The following TMEM161B variants were observed in gnomAD, a reference collection of about 807,000 sequenced individuals.
TMEM161B encodes the protein transmembrane protein 161B.
TMEM161B carries 34 observed loss-of-function variants against 61.8 expected under a neutral mutation model. The observed-to-expected ratio is 0.55, with a 90% CI of 0.42 to 0.73. The LOEUF (loss-of-function observed/expected upper bound fraction) is 0.73. Ranked by LOEUF, TMEM161B falls within the 30% of genes least tolerant of loss-of-function variation. The pLI is 0.00. For synonymous variants in TMEM161B, 167 were observed against 192.8 expected, an observed-to-expected ratio of 0.87 and a Z score of 1.11; for missense variants, 456 against 558.5, an observed-to-expected ratio of 0.82 and a Z score of 1.85.
intron 4 of TMEM161B, among the ~76,000 whole-genome samples, chr5:88,225,351 G>C (rs1415128726): frequency 6.6e-6 from 1 of 152,062 alleles, no homozygotes; most frequent in African/African-American, 2.4e-5. Flanking sequence ...GGGGTAAAAA[G>C]TCATACGTCA....
At chr5:88,202,107 C>A (rs1251472657) in intron 9 of TMEM161B, 1 of 453,474 alleles carries the variant, frequency 2.2e-6, no homozygotes, top group Admixed American at 2.4e-5. Context: ...GAGTTAGATA[C>A]TATTATCTTC....
At position 88,220,959 on chromosome 5, in the gene TMEM161B, CAA is replaced by C. The variant is rs1748861591; in HGVS notation, c.290-242_290-241del. On this transcript the variant is annotated intron_variant, in intron 4 of 11. Coordinates refer to ENST00000296595, the MANE Select transcript of TMEM161B (RefSeq NM_153354.5). Reference sequence around the variant, plus strand: ...ATTAAAATAAACGTTAAAAGATTACCAAAAGTTATTTAAGTTGTTGGTAAAGT... The same window carrying C: ...ATTAAAATAAACGTTAAAAGATTACCAAGTTATTTAAGTTGTTGGTAAAGT... Among the ~76,000 whole-genome samples the C allele has an allele frequency of 2.0e-5, 3 of 151,932 alleles. 1 individual carries two copies. The highest frequency in any genetic ancestry group is 7.3e-5 in the African/African-American group (3 of 41,360).
At chr5:88,226,960 A>T (rs1213997881) in intron 3 of TMEM161B, among the ~76,000 whole-genome samples, 2 of 152,044 alleles carry the variant, frequency 1.3e-5, no homozygotes, top group African/African-American at 4.8e-5. Flanking sequence ...TGTCTCTACA[A>T]ATTTTTTTTT....
intron 2 of TMEM161B, among the ~76,000 whole-genome samples, chr5:88,233,214 A>C (rs553074045): frequency 2.0e-5 from 3 of 152,330 alleles, no homozygotes; most frequent in African/African-American, 7.2e-5. Context: ...GGTAAAATTT[A>C]ACCAATTAAA....
rs1488316549 is a variant in TMEM161B, at chr5:88,225,885, T to A, written c.192-19A>T. ...ATATTTCCTATAAAAATCAGACAAG[T>A]GACACAAAAAACAAGTTACCTACAC... is the stretch of plus-strand genomic sequence containing the variant. On this transcript the variant is annotated intron_variant, in intron 3 of 11. Transcript: ENST00000296595. 1 of 1,541,412 alleles carries A rather than the reference T, an allele frequency of 6.5e-7. No individual in the cohort carries two copies. The highest frequency in any genetic ancestry group is 1.8e-5 in the Admixed American group (1 of 54,746).
intron 1 of TMEM161B, among the ~76,000 whole-genome samples, chr5:88,261,357 G>T (rs897921997): frequency 3.3e-5 from 5 of 151,622 alleles, no homozygotes; most frequent in Non-Finnish European, 7.4e-5. Flanking sequence ...CAGATTCAAT[G>T]CAATTACAAT....
intron 8 of TMEM161B, among the ~76,000 whole-genome samples, chr5:88,204,625 G>T (rs1745089148): frequency 6.6e-6 from 1 of 152,004 alleles, no homozygotes; most frequent in African/African-American, 2.4e-5. Context: ...CATAACACTG[G>T]GGTTAGTGGA....
intron 5 of TMEM161B, among the ~76,000 whole-genome samples, chr5:88,212,269 G>A (rs1333157429): frequency 1.3e-5 from 2 of 152,084 alleles, no homozygotes; most frequent in Non-Finnish European, 2.9e-5. Context: ...TCTAAAAATA[G>A]TTACCTACCC....
chr5:88,191,981 TGTATA>T (rs1748949163), downstream of TMEM161B, among the ~76,000 whole-genome samples: 1 of 8,166 alleles, frequency 1.2e-4, no homozygotes, highest in Admixed American at 2.9e-3. Context: ...AAAAAAAAAG[TGTATA>T]TATATATATA....
downstream of TMEM161B, among the ~76,000 whole-genome samples, chr5:88,193,094 T>C (rs1449971760): frequency 5.3e-5 from 8 of 152,124 alleles, no homozygotes; most frequent in Admixed American, 5.2e-4. Context: ...CAATTGGGAT[T>C]CTGGGAAAAA....
rs548893471 is a variant in TMEM161B at position 88,240,833 on chromosome 5, T to C, written c.87A>G (p.Arg29=). 6.2e-7 allele frequency: 1 copy of C among 1,611,622 alleles called. No individual in the cohort carries two copies. ...CTTACCTGCCATTACAGAGTAGCCA[T>C]CGAGCAAGAGAATAGTGAGGTATAA... ...QKIIPHYSLA[R]WLLCNGSLRW... is the part of the protein sequence containing the mutation. The change falls in exon 2 of 12, where the codon CGA becomes CGG. Residue 29 remains arginine (R), a synonymous_variant. Transcript: ENST00000296595.
chr5:88,246,467 T>G (rs1298211795), intron 1 of TMEM161B, among the ~76,000 whole-genome samples: 2 of 151,854 alleles, frequency 1.3e-5, no homozygotes, highest in African/African-American at 4.8e-5. Context: ...TATTATCAAT[T>G]TAATATATTA....
intron 1 of TMEM161B, among the ~76,000 whole-genome samples, chr5:88,243,790 A>T (rs1277698346): frequency 1.3e-5 from 2 of 151,888 alleles, no homozygotes; most frequent in Non-Finnish European, 2.9e-5. Flanking sequence ...AGCCACCTTG[A>T]CTGGTGTGAG....
Position 88,199,065 on chromosome 5 carries a change from G to C in TMEM161B, c.1000C>G (p.Leu334Val), listed in dbSNP as rs780749535. The change falls in exon 10 of 12, where the codon CTG becomes GTG. Residue 334 changes from leucine (L) to valine (V), a missense_variant. Around this residue, in one of 3 missense-constraint regions of TMEM161B, gnomAD observed 367 missense variants for 427.3 expected, o/e 0.86. Coordinates refer to ENST00000296595, the MANE Select transcript of TMEM161B (RefSeq NM_153354.5). ...TGGGCTAAATTTAAATAAGCTTGCAGGTGACTACGCATCATGGCCAACCGC... is the reference window on the plus strand; with the variant it reads ...TGGGCTAAATTTAAATAAGCTTGCACGTGACTACGCATCATGGCCAACCGC... ...ALRLAMMRSHLQAYLNLAQKC... is the reference protein window; with the variant it reads ...ALRLAMMRSHVQAYLNLAQKC... 10 of 1,613,098 alleles carry C rather than the reference G, an allele frequency of 6.2e-6. No individual in the cohort carries two copies.
intron 8 of TMEM161B, 28 bp downstream of exon 8, chr5:88,205,786 C>T (rs1745347058): frequency 1.9e-6 from 3 of 1,607,554 alleles, no homozygotes; most frequent in East Asian, 2.2e-5. Flanking sequence ...TATTTATCTG[C>T]ATGTGCTTAT....
Position 88,202,999 on chromosome 5 carries a change from T to C in TMEM161B, c.877A>G (p.Ile293Val), listed in dbSNP as rs1315476990. The C allele has an allele frequency of 3.1e-6, 5 of 1,612,030 alleles. No individual in the cohort carries two copies. The highest frequency in any genetic ancestry group is 1.7e-5 in the Admixed American group (1 of 59,968). ...LWVKPITKDY[I>V]MNPPLGKESI... ...TCTTTGCCCAGTGGTGGGTTCATAA[T>C]GTAGTCTTTGGTGATTGGTTTTACC... is the stretch of plus-strand genomic sequence containing the variant. Residue 293 changes from isoleucine (I) to valine (V), a missense_variant, in exon 9 of 12, where the codon ATT (isoleucine) becomes GTT (valine). Ile to Val is a conservative substitution (Grantham distance 29). Transcript: ENST00000296595.
rs202011902 is a variant in TMEM161B at position 88,224,959 on chromosome 5, G to GTTTTTTTTTTTTTTTTTTTTTTTT, written c.289+809_289+810insAAAAAAAAAAAAAAAAAAAAAAAA. 3.0e-5 allele frequency among the ~76,000 whole-genome samples: 3 copies of GTTTTTTTTTTTTTTTTTTTTTTTT among 101,202 alleles called. 1 individual carries two copies. 66.4% of individuals were successfully genotyped at this position (101,202 alleles called of 152,430 possible). On this transcript the variant is annotated intron_variant, in intron 4 of 11. Transcript: ENST00000296595. ...ATAATACACATAACACACAAAATAT[G>GTTTTTTTTTTTTTTTTTTTTTTTT]TTTTTGTTTTTTTTTTTTTTTTTTT... is the stretch of plus-strand genomic sequence containing the variant.
Position 88,205,843 on chromosome 5 carries a change from G to A in TMEM161B, c.771C>T (p.Ala257=), listed in dbSNP as rs1745357191. Residue 257 remains alanine (A), a synonymous_variant, in exon 8 of 12, where the codon GCC becomes GCT. Coordinates refer to ENST00000296595, the MANE Select transcript of TMEM161B (RefSeq NM_153354.5). ...TAATTTTTTCTGTTGCCAAATTCAG[G>A]GCATCCAGATGCATTTGAGCCAGTC... ...GLRLAQMHLD[A]LNLATEKITQ... is the part of the protein sequence containing the mutation. The A allele has an allele frequency of 1.9e-6, 3 of 1,612,358 alleles. No homozygotes were observed. The highest frequency in any genetic ancestry group is 2.2e-5 in the East Asian group (1 of 44,682).
intron 1 of TMEM161B, among the ~76,000 whole-genome samples, chr5:88,243,320 T>C (rs921860060): frequency 6.6e-6 from 1 of 151,856 alleles, no homozygotes; most frequent in African/African-American, 2.4e-5. Flanking sequence ...AGCTCTCACT[T>C]ATAAATGAAA....
Sources: allele counts gnomAD v4.1 joint callset (sites outside exome capture counted in the v4.1 genomes callset), GRCh38; gene constraint gnomAD v4.1.1; regional missense constraint gnomAD v4.1.1; transcripts MANE v1.5; gene names NCBI Gene and HGNC (gene_info 2026-07-23, HGNC 2026-07-21).